The following DAB2IP variants were observed in gnomAD, a reference collection of about 807,000 sequenced individuals.
DAB2IP encodes the protein DAB2 interacting protein.
DAB2IP carries 28 observed loss-of-function variants against 107.2 expected under a neutral mutation model. The observed-to-expected ratio is 0.26, with a 90% confidence interval of 0.19 to 0.36. DAB2IP has a LOEUF of 0.36. Ranked by LOEUF, DAB2IP falls within the 10% of genes least tolerant of loss-of-function variation. DAB2IP has a pLI of 1.00. For missense variants in DAB2IP, 1,400 were observed against 1,644.7 expected, an observed-to-expected ratio of 0.85 and a Z score of 2.57; for synonymous variants, 755 against 706.4, an observed-to-expected ratio of 1.07 and a Z score of -1.09.
At chr9:121,751,983 G>A (rs974782038) in intron 3 of DAB2IP, 2 of 985,368 alleles carry the variant, frequency 2.0e-6, no homozygotes, top group Non-Finnish European at 2.4e-6. Flanking sequence ...TGGAGGACAG[G>A]TAAAGGGTCT....
intron 2 of DAB2IP, among the ~76,000 whole-genome samples, chr9:121,686,348 C>A (rs1828877433): frequency 6.6e-6 from 1 of 152,154 alleles, no homozygotes; most frequent in Admixed American, 6.5e-5. Context: ...GCCTCTGTAC[C>A]CCCTCCTCTT....
exon 12 of DAB2IP, chr9:121,773,270 G>A (rs897448889): frequency 1.2e-5 from 19 of 1,537,790 alleles, no homozygotes; most frequent in South Asian, 2.4e-5. Context: ...CTGGCCCCCA[G>A]AGGAGGATCG....
At chr9:121,676,635 GCACA>G (rs35324441) in intron 1 of DAB2IP, among the ~76,000 whole-genome samples, 6 of 150,426 alleles carry the variant, frequency 4.0e-5, no homozygotes, top group South Asian at 2.1e-4. Context: ...TTCTGCAGAC[GCACA>G]CACACACACA....
chr9:121,643,954 G>A (rs531175558), intron 1 of DAB2IP, among the ~76,000 whole-genome samples: 1 of 152,274 alleles, frequency 6.6e-6, no homozygotes, highest in East Asian at 1.9e-4. Context: ...AATCACTTAA[G>A]GCCAGGAGTT....
At chr9:121,711,458 A>G (rs1480183328) in intron 3 of DAB2IP, among the ~76,000 whole-genome samples, 1 of 152,194 alleles carries the variant, frequency 6.6e-6, no homozygotes, top group Non-Finnish European at 1.5e-5. Flanking sequence ...TCCTGCAATG[A>G]AGAAGTCAGT....
intron 1 of DAB2IP, among the ~76,000 whole-genome samples, chr9:121,666,890 ACACACACACACACACAC>A (rs1833458351): frequency 6.7e-6 from 1 of 149,464 alleles, no homozygotes; most frequent in Admixed American, 6.7e-5. Flanking sequence ...ACACACACAC[ACACACACACACACACAC>A]ACACACACAA....
chr9:121,777,987 C>G (rs1178521546), intron 14 of DAB2IP, among the ~76,000 whole-genome samples: 1 of 152,190 alleles, frequency 6.6e-6, no homozygotes, highest in Non-Finnish European at 1.5e-5. Flanking sequence ...TTTTTATCCT[C>G]CTGCTTTTAA....
intron 14 of DAB2IP, among the ~76,000 whole-genome samples, 193 bp from the exon 15 acceptor site, chr9:121,781,271 C>T (rs986424071): frequency 3.3e-5 from 5 of 152,114 alleles, no homozygotes; most frequent in African/African-American, 1.2e-4. Flanking sequence ...GGAAGGAGGC[C>T]CAGCAGTGTC....
chr9:121,750,931 G>A (rs1833070720), intron 3 of DAB2IP: 1 of 157,610 alleles, frequency 6.3e-6, no homozygotes, highest in East Asian at 1.9e-4. Flanking sequence ...TTGGGCCCTG[G>A]CGCTGTCTCT....
At position 121,698,694 on chromosome 9, in the gene DAB2IP, G is replaced by A. The variant is rs1039287851; in HGVS notation, c.229-631G>A. Among the ~76,000 whole-genome samples, 4 of 152,194 alleles carry A rather than the reference G, an allele frequency of 2.6e-5. No individual in the cohort carries two copies. Among genetic ancestry groups the A allele is most frequent in the Admixed American group, 2.0e-4 (3 of 15,288 alleles). ...GCCGCTCTGGGAAGGAAAGTCGCCC[G>A]GAATCGGGGTCTAAGTGGCCAGGGC... On this transcript the variant is annotated intron_variant, in intron 2 of 15. Coordinates refer to ENST00000408936, the Ensembl canonical transcript of DAB2IP. This position sits in a 1 kb window ranked among gnomAD's most constrained non-coding sequence, Gnocchi z 4.1.
chr9:121,699,416 C>T lies in DAB2IP; in HGVS notation c.320C>T (p.Pro107Leu). Residue 107 changes from proline to leucine, a missense_variant, in exon 3 of 16, where the codon CCG (proline) becomes CTG (leucine). Pro to Leu is a moderately conservative substitution (Grantham distance 98). This residue lies in a region of DAB2IP where 283 missense variants were observed against 237.0 expected (regional missense o/e 1.19). Transcript: ENST00000408936. This position sits in a 1 kb window ranked among gnomAD's most constrained non-coding sequence, Gnocchi z 6.2. ...AACCACAGCTTCCGCCACATCCTGC[C>T]GGGGTTCCGGAGCGCCGCCGCCGCC... 2.0e-6 allele frequency: 3 copies of T among 1,467,128 alleles called. No individual in the cohort carries two copies. Among genetic ancestry groups the T allele is most frequent in the Non-Finnish European group, 2.7e-6 (3 of 1,099,202 alleles). 90.9% of individuals were successfully genotyped at this position (1,467,128 alleles called of 1,614,324 possible).
rs1404709496 is a variant in DAB2IP, at chr9:121,763,889, G to C, written c.1460+10G>C. On this transcript the variant is annotated intron_variant, in intron 8 of 15. Transcript: ENST00000408936. Reference sequence around the variant, plus strand: ...TCATCAACTCCTACTGGTCAGTGCGGTGCCCAGGTCTCCCCACCCTGTCGC... The same window carrying C: ...TCATCAACTCCTACTGGTCAGTGCGCTGCCCAGGTCTCCCCACCCTGTCGC... 1 of 1,613,000 alleles carries C rather than the reference G, an allele frequency of 6.2e-7. No individual in the cohort carries two copies. The highest frequency in any genetic ancestry group is 1.1e-5 in the South Asian group (1 of 90,958).
chr9:121,765,196 C>G (rs1051131786), intron 8 of DAB2IP, among the ~76,000 whole-genome samples: 1 of 151,976 alleles, frequency 6.6e-6, no homozygotes. Context: ...CTGGGCTGTG[C>G]TTTCCCCCTC....
At chr9:121,658,148 G>A (rs1004159945) in intron 1 of DAB2IP, among the ~76,000 whole-genome samples, 1 of 152,148 alleles carries the variant, frequency 6.6e-6, no homozygotes, top group Non-Finnish European at 1.5e-5. Flanking sequence ...ACACAAACAC[G>A]CTCACATCCC....
intron 6 of DAB2IP, among the ~76,000 whole-genome samples, chr9:121,762,294 A>G (rs1377849517): frequency 6.6e-6 from 1 of 152,140 alleles, no homozygotes; most frequent in African/African-American, 2.4e-5. Context: ...GGAAGTTCTC[A>G]TCCCAGCACT....
At chr9:121,687,219 G>A (rs1052624555) in intron 2 of DAB2IP, among the ~76,000 whole-genome samples, 1 of 152,220 alleles carries the variant, frequency 6.6e-6, no homozygotes, top group Non-Finnish European at 1.5e-5. Context: ...AGATCCGGGA[G>A]CACCTGTCAA....
intron 3 of DAB2IP, among the ~76,000 whole-genome samples, chr9:121,711,010 T>C (rs1161275699): frequency 6.6e-6 from 1 of 152,124 alleles, no homozygotes; most frequent in African/African-American, 2.4e-5. Context: ...GTCCACGAAT[T>C]TGATGGTTGT....
At chr9:121,693,577 A>G (rs1157402755) in intron 2 of DAB2IP, among the ~76,000 whole-genome samples, 1 of 152,218 alleles carries the variant, frequency 6.6e-6, no homozygotes, top group Non-Finnish European at 1.5e-5. Flanking sequence ...AGAAACTGCC[A>G]TGGGAGGAGC....
At chr9:121,625,758 C>G (rs1041877852) in intron 1 of DAB2IP, among the ~76,000 whole-genome samples, 1 of 151,928 alleles carries the variant, frequency 6.6e-6, no homozygotes, top group African/African-American at 2.4e-5. Flanking sequence ...GCCTTCAGCC[C>G]TATTTGCTGT....
Sources: gnomAD v4.1 joint callset for allele counts (sites outside exome capture counted in the v4.1 genomes callset) on GRCh38, gnomAD v4.1.1 for gene constraint, gnomAD v4.1.1 regional missense constraint, Gnocchi (gnomAD v3.1) non-coding constraint, MANE v1.5 for transcripts, NCBI Gene and HGNC (gene_info 2026-07-23, HGNC 2026-07-21) for gene names.